SUSD5: variants seen among roughly 807,000 people sequenced by gnomAD.
SUSD5 encodes the protein sushi domain-containing protein 5.
A neutral mutation model predicts 29.5 loss-of-function variants in SUSD5; 33 were observed. The observed-to-expected ratio is 1.12, with a 90% CI of 0.85 to 1.49. The LOEUF (loss-of-function observed/expected upper bound fraction) is 1.49, where lower values mean the gene tolerates loss of function less well. Ranked by LOEUF, SUSD5 falls within the 40% of genes most tolerant of loss-of-function variation. The pLI is 0.00. For synonymous variants in SUSD5, 308 were observed against 325.3 expected, an observed-to-expected ratio of 0.95 and a Z score of 0.57; for missense variants, 776 against 800.6, an observed-to-expected ratio of 0.97 and a Z score of 0.37.
intron 2 of SUSD5, among the ~76,000 whole-genome samples, chr3:33,213,193 A>G (rs1171659060): frequency 6.6e-6 from 1 of 152,124 alleles, no homozygotes; most frequent in African/African-American, 2.4e-5. Flanking sequence ...GGATTGCTTG[A>G]GGTCAGAGTT....
rs145840899 is a variant in SUSD5, at chr3:33,180,153, G to T, written c.410-5079C>A. On this transcript the variant is annotated intron_variant, in intron 3 of 4. Coordinates refer to ENST00000309558, the MANE Select transcript of SUSD5 (RefSeq NM_015551.2). ...TATTTTTAAAAAGTTAACTAAAGCA[G>T]CCTCAGGCAGGTCCTTCAAGAGATA... Among the ~76,000 whole-genome samples the T allele has an allele frequency of 5.1e-3, 778 of 152,190 alleles. 7 individuals are homozygous for T. The highest frequency in any genetic ancestry group is 0.018 in the African/African-American group (739 of 41,540).
intron 4 of SUSD5, among the ~76,000 whole-genome samples, chr3:33,160,174 T>C (rs888704614): frequency 5.9e-5 from 9 of 152,194 alleles, no homozygotes; most frequent in Non-Finnish European, 1.3e-4. Context: ...AGCGTCTCAC[T>C]ATGTTGCCCA....
intron 3 of SUSD5, among the ~76,000 whole-genome samples, chr3:33,192,747 G>A (rs967419950): frequency 1.3e-5 from 2 of 152,024 alleles, no homozygotes; most frequent in Non-Finnish European, 2.9e-5. Context: ...AGGTTAGAAG[G>A]TGGAGGTTGT....
Position 33,150,961 on chromosome 3 carries a change from A to G in SUSD5, c.*1781T>C, listed in dbSNP as rs1255008613. ...AAGGTGATTCATATTAGAAAAATAT[A>G]ACATGTTTCATTTCTGTGCCAACAT... On this transcript the variant is annotated 3_prime_UTR_variant, in exon 5 of 5. Transcript: ENST00000309558. 6.6e-6 allele frequency: 1 copy of G among 152,238 alleles called. No individual in the cohort carries two copies. The highest frequency in any genetic ancestry group is 1.5e-5 in the Non-Finnish European group (1 of 68,044). The allele number at this position is 152,238 out of a possible 1,614,324, so 9.4% of individuals were successfully genotyped here.
At position 33,154,144 on chromosome 3, in the gene SUSD5, GTTA is replaced by G. The variant is rs1478080159; in HGVS notation, c.599-114_599-112del. The stretch of plus-strand genomic sequence containing the variant: ...AGGCTGGGACAGAATAAATAATACT[GTTA>G]TTATTCACAGATGATATGACTGTGT... On this transcript the variant is annotated intron_variant, in intron 4 of 4. Coordinates refer to ENST00000309558, the MANE Select transcript of SUSD5 (RefSeq NM_015551.2). 1.3e-5 allele frequency: 11 copies of G among 849,784 alleles called. No individual in the cohort carries two copies. In the African/African-American group the frequency reaches 1.7e-4, roughly 13 times the overall value. 52.6% of individuals were successfully genotyped at this position (849,784 alleles called of 1,614,324 possible).
At chr3:33,213,843 C>T (rs2032373057) in intron 2 of SUSD5, 85 bp downstream of exon 2, 1 of 1,417,106 alleles carries the variant, frequency 7.1e-7, no homozygotes, top group Non-Finnish European at 9.5e-7. Context: ...CTGTATGGTA[C>T]CTCAACAGAA....
intron 3 of SUSD5, among the ~76,000 whole-genome samples, chr3:33,187,916 T>A (rs558977047): frequency 7.9e-5 from 12 of 151,844 alleles, no homozygotes; most frequent in Non-Finnish European, 5.9e-5. Context: ...TGGTTTTTTG[T>A]CCTTGATACT....
chr3:33,215,020 C>G (rs779216304), intron 1 of SUSD5, among the ~76,000 whole-genome samples: 1 of 151,782 alleles, frequency 6.6e-6, no homozygotes, highest in Non-Finnish European at 1.5e-5. Context: ...AAGACTAAGA[C>G]ACAAGTCATC....
rs369445416 is a variant in SUSD5, at chr3:33,180,701, G to A, written c.410-5627C>T. 3.8e-4 allele frequency among the ~76,000 whole-genome samples: 58 copies of A among 152,108 alleles called. No homozygotes were observed. In the South Asian group the frequency reaches 7.7e-3, roughly 20 times the overall value. On this transcript the variant is annotated intron_variant, in intron 3 of 4. Coordinates refer to ENST00000309558, the MANE Select transcript of SUSD5 (RefSeq NM_015551.2). ...AAATACAAAAAAAAATTATCCAGGC[G>A]TGGTGGTGCATGCCTGTAATCTCAG... is the stretch of plus-strand genomic sequence containing the variant.
rs777543803 is a variant in SUSD5, at chr3:33,213,935, T to C, written c.283A>G (p.Thr95Ala). The C allele has an allele frequency of 1.9e-6, 3 of 1,598,446 alleles. No homozygotes were observed. The highest frequency in any genetic ancestry group is 2.3e-5 in the South Asian group (2 of 88,858). ...VCTTGWLADG[T>A]LGTTVCSKGS... ...AGTGCTCGCCTAACTTACCCAAGAG[T>C]ACCATCTGCTAGCCAGCCAGTGGTG... The change falls in exon 2 of 5, where the codon ACT becomes GCT. Residue 95 changes from threonine to alanine, a missense_variant. By Grantham distance (58) the Thr-to-Ala change is moderately conservative (BLOSUM62 0). Coordinates refer to ENST00000309558, the MANE Select transcript of SUSD5 (RefSeq NM_015551.2).
chr3:33,163,782 G>T (rs1370213392), intron 4 of SUSD5, among the ~76,000 whole-genome samples: 2 of 152,168 alleles, frequency 1.3e-5, no homozygotes, highest in Non-Finnish European at 2.9e-5. Flanking sequence ...CGGATCACGA[G>T]GTCAGGAGAT....
chr3:33,204,910 A>G lies in SUSD5; in HGVS notation c.409+2898T>C, dbSNP rs535585781. Among the ~76,000 whole-genome samples the G allele has an allele frequency of 2.7e-4, 41 of 152,186 alleles. No individual in the cohort carries two copies. Among genetic ancestry groups the G allele is most frequent in the South Asian group, 8.3e-4 (4 of 4,820 alleles). On this transcript the variant is annotated intron_variant, in intron 3 of 4. Coordinates refer to ENST00000309558, the MANE Select transcript of SUSD5 (RefSeq NM_015551.2). The surrounding 1 kb of genome is among the most constrained non-coding windows in gnomAD (Gnocchi z 4.5). ...ACCCACCTTTTATGCAGGTTCACCA[A>G]TGTGTTTTCATTTTCCCCTTTTTGC...
chr3:33,154,485 TG>T lies in SUSD5; in HGVS notation c.599-453del, dbSNP rs552156756. Among the ~76,000 whole-genome samples the T allele has an allele frequency of 1.4e-3, 208 of 152,266 alleles. 2 individuals are homozygous for T. Among genetic ancestry groups the T allele is most frequent in the African/African-American group, 4.6e-3 (192 of 41,538 alleles). On this transcript the variant is annotated intron_variant, in intron 4 of 4. Coordinates refer to ENST00000309558, the MANE Select transcript of SUSD5 (RefSeq NM_015551.2). ...TTGCAGTGAGCCAACATCGTACCAC[TG>T]CACTCCAGCCTGGGTGACAGAGTGA...
At chr3:33,209,315 T>C (rs1423832882) in intron 2 of SUSD5, among the ~76,000 whole-genome samples, 1 of 152,204 alleles carries the variant, frequency 6.6e-6, no homozygotes, top group Non-Finnish European at 1.5e-5. Context: ...CTTGAATCTG[T>C]GTCTGGATGT....
intron 3 of SUSD5, among the ~76,000 whole-genome samples, chr3:33,201,047 A>C (rs1193509485): frequency 6.6e-6 from 1 of 152,250 alleles, no homozygotes; most frequent in Non-Finnish European, 1.5e-5. Context: ...TATTGAAAAC[A>C]ATGAGAAACC....
chr3:33,199,384 C>T (rs1357942574), intron 3 of SUSD5, among the ~76,000 whole-genome samples: 1 of 152,214 alleles, frequency 6.6e-6, no homozygotes, highest in African/African-American at 2.4e-5. Flanking sequence ...CACCATTCTC[C>T]TGCCTCAGCC....
chr3:33,177,084 CTCTCCATATAAACTACAGACTT>C (rs1447257207), intron 3 of SUSD5, among the ~76,000 whole-genome samples: 2 of 152,126 alleles, frequency 1.3e-5, no homozygotes, highest in African/African-American at 4.8e-5. Flanking sequence ...GGTCTATTAC[CTCTCCATATAAACTACAGACTT>C]TGTTTGTTAA....
Position 33,153,325 on chromosome 3 carries a change from A to G in SUSD5, c.1307T>C (p.Val436Ala). ...TPSEGMTHSS[V>A]LPSQMLDVEA... Reference sequence around the variant, plus strand: ...CACATCTAGCATTTGAGATGGAAGAACTGAACTATGGGTCATGCCCTCGCT... The same window carrying G: ...CACATCTAGCATTTGAGATGGAAGAGCTGAACTATGGGTCATGCCCTCGCT... Residue 436 changes from valine to alanine, a missense_variant, in exon 5 of 5, where the codon GTT becomes GCT. Physicochemically the swap from Val to Ala is moderately conservative, Grantham distance 64. Coordinates refer to ENST00000309558, the MANE Select transcript of SUSD5 (RefSeq NM_015551.2). The G allele has an allele frequency of 1.9e-6, 3 of 1,613,946 alleles. No homozygotes were observed. The highest frequency in any genetic ancestry group is 2.5e-6 in the Non-Finnish European group (3 of 1,179,868).
chr3:33,150,921 A>G lies in SUSD5; in HGVS notation c.*1821T>C, dbSNP rs1410608720. The stretch of plus-strand genomic sequence containing the variant: ...TTGCATTCATCACTTTTTACCACTG[A>G]TAACTATTTCTAAGAAGGTGATTCA... On this transcript the variant is annotated 3_prime_UTR_variant, in exon 5 of 5. Coordinates refer to ENST00000309558, the MANE Select transcript of SUSD5 (RefSeq NM_015551.2). The G allele has an allele frequency of 1.3e-5, 2 of 152,230 alleles. No homozygotes were observed. The highest frequency in any genetic ancestry group is 1.5e-5 in the Non-Finnish European group (1 of 68,048). The allele number at this position is 152,230 out of a possible 1,614,324, so 9.4% of individuals were successfully genotyped here.
Sources: allele counts gnomAD v4.1 joint callset (sites outside exome capture counted in the v4.1 genomes callset), GRCh38; gene constraint gnomAD v4.1.1; non-coding constraint Gnocchi (gnomAD v3.1); transcripts MANE v1.5; gene names NCBI Gene and HGNC (gene_info 2026-07-23, HGNC 2026-07-21).